The following GRIN2A variants were observed in gnomAD, a reference collection of about 807,000 sequenced individuals.
The protein encoded by GRIN2A is glutamate ionotropic receptor NMDA type subunit 2A.
A neutral mutation model predicts 113.4 loss-of-function variants in GRIN2A; 22 were observed. That is an observed-to-expected ratio of 0.19 (90% CI 0.14 to 0.28). The LOEUF (loss-of-function observed/expected upper bound fraction) is 0.28, where lower values mean the gene tolerates loss of function less well. GRIN2A is among the 10% of genes least tolerant of loss of function. The pLI is 1.00. For synonymous variants in GRIN2A, 827 were observed against 738.4 expected, an observed-to-expected ratio of 1.12 and a Z score of -1.94; for missense variants, 1,502 against 1,887.0, an observed-to-expected ratio of 0.80 and a Z score of 3.78.
At chr16:9,837,185 A>G (rs2042595847) in intron 7 of GRIN2A, among the ~76,000 whole-genome samples, 1 of 152,340 alleles carries the variant, frequency 6.6e-6, no homozygotes, top group South Asian at 2.1e-4. Flanking sequence ...AAATCTGTAG[A>G]TAATGACCGT....
intron 5 of GRIN2A, among the ~76,000 whole-genome samples, chr16:9,842,649 A>G (rs913914350): frequency 4.6e-5 from 7 of 152,214 alleles, no homozygotes; most frequent in African/African-American, 1.7e-4. Context: ...TGAAATATGA[A>G]GCATAGGACA....
At chr16:10,174,776 G>A (rs2050110823) in intron 2 of GRIN2A, among the ~76,000 whole-genome samples, 2 of 151,326 alleles carry the variant, frequency 1.3e-5, no homozygotes, top group African/African-American at 4.9e-5. Context: ...CAAATGAAAT[G>A]ATGTAGTTAA....
intron 2 of GRIN2A, among the ~76,000 whole-genome samples, chr16:10,006,411 G>A (rs564636699): frequency 1.3e-5 from 2 of 152,246 alleles, no homozygotes; most frequent in African/African-American, 4.8e-5. Context: ...CGGTCAAGGA[G>A]GATCTATCAC....
At chr16:9,766,232 C>T (rs1029119552) in intron 12 of GRIN2A, among the ~76,000 whole-genome samples, 1 of 152,206 alleles carries the variant, frequency 6.6e-6, no homozygotes, top group African/African-American at 2.4e-5. Context: ...GCATAAACTA[C>T]AGGAAAGTAA....
intron 2 of GRIN2A, among the ~76,000 whole-genome samples, chr16:10,052,691 G>C (rs954810498): frequency 2.0e-5 from 3 of 152,162 alleles, no homozygotes; most frequent in Non-Finnish European, 4.4e-5. Flanking sequence ...TCAATCACTA[G>C]AGCAAATTCC....
chr16:10,031,655 A>G (rs7184748), intron 2 of GRIN2A: 49,344 of 152,150 alleles, frequency 0.32, 8,601 homozygotes, highest in East Asian at 0.52. Context: ...CCCTGCAGCC[A>G]GTTCTCCACG....
intron 11 of GRIN2A, among the ~76,000 whole-genome samples, chr16:9,792,268 G>A (rs917093581): frequency 7.2e-5 from 11 of 152,110 alleles, no homozygotes; most frequent in Non-Finnish European, 1.5e-4. Flanking sequence ...TGCCACCCAG[G>A]CTGCAGTGCA....
intron 9 of GRIN2A, among the ~76,000 whole-genome samples, chr16:9,826,801 G>T (rs940629524): frequency 3.3e-5 from 5 of 152,166 alleles, no homozygotes; most frequent in African/African-American, 4.8e-5. Flanking sequence ...TTCCAAGTCA[G>T]TGAAGGTCAG....
At chr16:10,001,077 C>T (rs985589311) in intron 2 of GRIN2A, among the ~76,000 whole-genome samples, 1 of 152,196 alleles carries the variant, frequency 6.6e-6, no homozygotes, top group Admixed American at 6.5e-5. Flanking sequence ...GGTCAGCCTA[C>T]CTTACCCGTG....
intron 3 of GRIN2A, among the ~76,000 whole-genome samples, chr16:9,927,404 G>T (rs960979056): frequency 4.6e-5 from 7 of 152,150 alleles, no homozygotes; most frequent in Non-Finnish European, 1.5e-5. Context: ...CTTCCCAGGT[G>T]TTACCAGCAA....
chr16:10,027,916 G>T (rs1374907449), intron 2 of GRIN2A, among the ~76,000 whole-genome samples: 1 of 152,102 alleles, frequency 6.6e-6, no homozygotes, highest in Non-Finnish European at 1.5e-5. Context: ...CCACCCTCGA[G>T]CTGTCCCCAC....
chr16:9,906,130 C>CTCATA (rs1280695165), intron 3 of GRIN2A, among the ~76,000 whole-genome samples: 3 of 152,198 alleles, frequency 2.0e-5, no homozygotes, highest in Non-Finnish European at 1.5e-5. Context: ...ATCCTCCATA[C>CTCATA]TCATATCAAG....
intron 2 of GRIN2A, among the ~76,000 whole-genome samples, chr16:9,991,558 C>A (rs183821415): frequency 2.6e-5 from 4 of 152,288 alleles, no homozygotes; most frequent in Admixed American, 2.6e-4. Context: ...CTCCCATTCC[C>A]CTCACCTTCG....
chr16:10,054,817 G>T (rs922289255), intron 2 of GRIN2A, among the ~76,000 whole-genome samples: 2 of 151,882 alleles, frequency 1.3e-5, no homozygotes, highest in Non-Finnish European at 2.9e-5. Context: ...GGAGGCCGAG[G>T]TGGGCGGATC....
intron 2 of GRIN2A, among the ~76,000 whole-genome samples, chr16:10,094,407 A>T (rs1317119229): frequency 6.6e-6 from 1 of 151,584 alleles, no homozygotes; most frequent in Non-Finnish European, 1.5e-5. Context: ...TTTTTTTAGA[A>T]CTCTAGTTCT....
In GRIN2A at chr16:10,180,460, C is replaced by T; in HGVS notation, c.-18-31G>A. On this transcript the variant is annotated intron_variant, in intron 1 of 12. Coordinates refer to ENST00000330684, the MANE Select transcript of GRIN2A (RefSeq NM_001134407.3). The surrounding 1 kb of genome is among the most constrained non-coding windows in gnomAD (Gnocchi z 7.0). ...AGGTGAAGAGTGAGAGGCAGGGCCG[C>T]GGTGAGCAAGGCGACCAGAAGAAAG... The T allele has an allele frequency of 6.3e-7, 1 of 1,581,696 alleles. No homozygotes were observed. Among genetic ancestry groups the T allele is most frequent in the Non-Finnish European group, 8.5e-7 (1 of 1,170,106 alleles).
chr16:9,798,512 C>T, intron 10 of GRIN2A, 48 bp from the exon 11 acceptor site: 1 of 1,490,996 alleles, frequency 6.7e-7, no homozygotes, highest in Middle Eastern at 1.7e-4. Context: ...CAGGTACCAC[C>T]TCGGGGTCCA....
chr16:10,102,307 T>C (rs915047679), intron 2 of GRIN2A, among the ~76,000 whole-genome samples: 4 of 152,196 alleles, frequency 2.6e-5, no homozygotes, highest in African/African-American at 9.6e-5. Context: ...GAGATTTGGT[T>C]GTTTAAAAGA....
intron 2 of GRIN2A, among the ~76,000 whole-genome samples, chr16:10,117,553 T>C (rs1250470144): frequency 6.6e-6 from 1 of 152,170 alleles, no homozygotes; most frequent in Non-Finnish European, 1.5e-5. Flanking sequence ...TTTACTCAAG[T>C]TTGAGGTAAA....
Sources: gnomAD v4.1 joint callset for allele counts (sites outside exome capture counted in the v4.1 genomes callset) on GRCh38, gnomAD v4.1.1 for gene constraint, Gnocchi (gnomAD v3.1) non-coding constraint, MANE v1.5 for transcripts, NCBI Gene and HGNC (gene_info 2026-07-23, HGNC 2026-07-21) for gene names.